Variants in ZNF423 observed in about 807,000 individuals in gnomAD.
The protein encoded by ZNF423 is Ebf-associated zinc finger protein.
Under a neutral mutation model 95.8 loss-of-function variants are expected in ZNF423, and 12 were observed. The ratio of observed to expected loss-of-function variants is 0.13; its 90% CI spans 0.08 to 0.20. The LOEUF (loss-of-function observed/expected upper bound fraction) is 0.20, where lower values mean the gene tolerates loss of function less well. ZNF423 is among the 10% of genes least tolerant of loss of function. ZNF423 has a pLI of 1.00. For synonymous variants in ZNF423, 749 were observed against 711.9 expected, an observed-to-expected ratio of 1.05 and a Z score of -0.83; for missense variants, 1,316 against 1,737.1, an observed-to-expected ratio of 0.76 and a Z score of 4.31.
At chr16:49,850,686 G>A (rs2035293486) in intron 1 of ZNF423, among the ~76,000 whole-genome samples, 1 of 152,162 alleles carries the variant, frequency 6.6e-6, no homozygotes, top group African/African-American at 2.4e-5. Context: ...AAAACGATGG[G>A]GCCATCAGGA....
chr16:49,495,895 C>A (rs1351125844), intron 7 of ZNF423, among the ~76,000 whole-genome samples: 1 of 152,212 alleles, frequency 6.6e-6, no homozygotes, highest in Non-Finnish European at 1.5e-5. Context: ...GGCGTGGGAC[C>A]CTGCCTGGTC....
Position 49,636,947 on chromosome 16 carries a change from G to C in ZNF423, c.2229C>G (p.Ile743Met). The C allele has an allele frequency of 7.4e-6, 12 of 1,613,818 alleles. No individual in the cohort carries two copies. The highest frequency in any genetic ancestry group is 1.0e-5 in the Non-Finnish European group (12 of 1,179,990). ...TGTGCTTCACCGCCAGGTGCACCTGGATGGACACCTTGGAGTCGAAGACCT... is the reference window on the plus strand; with the variant it reads ...TGTGCTTCACCGCCAGGTGCACCTGCATGGACACCTTGGAGTCGAAGACCT... ...CQEVFDSKVS[I>M]QVHLAVKHSN... is the part of the protein sequence containing the mutation. Residue 743 changes from isoleucine (I) to methionine (M), a missense_variant, in exon 4 of 8, where the codon ATC (isoleucine) becomes ATG (methionine). Coordinates refer to ENST00000563137, the MANE Select transcript of ZNF423 (RefSeq NM_001379286.1). This position sits in a 1 kb window ranked among gnomAD's most constrained non-coding sequence, Gnocchi z 8.6.
At chr16:49,519,556 G>A (rs908912529) in intron 7 of ZNF423, among the ~76,000 whole-genome samples, 1 of 152,036 alleles carries the variant, frequency 6.6e-6, no homozygotes, top group African/African-American at 2.4e-5. Context: ...AAAGATTTTT[G>A]CTCATTTTTT....
chr16:49,820,026 GTGGATGGATGGATGGATGGATGGA>G (rs111486773), intron 1 of ZNF423, among the ~76,000 whole-genome samples: 4 of 150,476 alleles, frequency 2.7e-5, no homozygotes, highest in Non-Finnish European at 4.4e-5. Context: ...TGTTGAATAG[GTGGATGGATGGATGGATGGATGGA>G]TGGATGGATG....
At chr16:49,810,696 G>A (rs551336813) in intron 1 of ZNF423, among the ~76,000 whole-genome samples, 1 of 152,206 alleles carries the variant, frequency 6.6e-6, no homozygotes, top group African/African-American at 2.4e-5. Context: ...CAGATTATAG[G>A]AAAAATAAAT....
chr16:49,658,843 T>G (rs1420513076), intron 3 of ZNF423, among the ~76,000 whole-genome samples: 1 of 152,184 alleles, frequency 6.6e-6, no homozygotes, highest in African/African-American at 2.4e-5. Flanking sequence ...GCTGACTCTT[T>G]CCTTGGAACC....
At chr16:49,592,096 G>A (rs1465709627) in intron 5 of ZNF423, among the ~76,000 whole-genome samples, 1 of 152,238 alleles carries the variant, frequency 6.6e-6, no homozygotes, top group East Asian at 1.9e-4. Context: ...GGTTTTTGCA[G>A]TTGCTTTTAA....
intron 5 of ZNF423, among the ~76,000 whole-genome samples, chr16:49,529,912 C>T (rs571064913): frequency 1.3e-5 from 2 of 152,086 alleles, no homozygotes; most frequent in African/African-American, 4.8e-5. Flanking sequence ...GAACCCCCCT[C>T]GGGAAAGCTG....
intron 3 of ZNF423, among the ~76,000 whole-genome samples, chr16:49,648,537 A>T (rs1473459118): frequency 1.3e-5 from 2 of 151,934 alleles, no homozygotes; most frequent in Non-Finnish European, 2.9e-5. Flanking sequence ...AGGTACTCCC[A>T]GCTATTCAGG....
intron 2 of ZNF423, among the ~76,000 whole-genome samples, chr16:49,750,872 C>T (rs1048569193): frequency 1.3e-5 from 2 of 152,156 alleles, no homozygotes; most frequent in Admixed American, 1.3e-4. Flanking sequence ...GGGAACCAGA[C>T]GGTGATGGTG....
chr16:49,815,914 A>ATATATTTT (rs1445194160), intron 1 of ZNF423, among the ~76,000 whole-genome samples: 2 of 29,798 alleles, frequency 6.7e-5, no homozygotes, highest in Non-Finnish European at 1.1e-4. Flanking sequence ...ATATATATAT[A>ATATATTTT]TTTTTTTTTT....
At chr16:49,773,421 T>A (rs2034069775) in intron 2 of ZNF423, among the ~76,000 whole-genome samples, 1 of 152,174 alleles carries the variant, frequency 6.6e-6, no homozygotes, top group South Asian at 2.1e-4. Context: ...CATGATTCAA[T>A]TATCTCCACC....
rs987592052 is a variant in ZNF423 at position 49,854,882 on chromosome 16, G to A, written c.40+853C>T. ...CCCACAAACGCGCGCACCCCGGGGAGCCAGCACAGAAAGCCGGCCTGGGTG... is the reference window on the plus strand; with the variant it reads ...CCCACAAACGCGCGCACCCCGGGGAACCAGCACAGAAAGCCGGCCTGGGTG... On this transcript the variant is annotated intron_variant, in intron 1 of 7. Transcript: ENST00000563137. 20 of 985,230 alleles carry A rather than the reference G, an allele frequency of 2.0e-5. No homozygotes were observed. The African/African-American group carries it at 3.5e-4, about 17-fold the overall frequency. The allele number at this position is 985,230 out of a possible 1,614,324, so 61.0% of individuals were successfully genotyped here. A position where few individuals can be genotyped will look rare whatever the true frequency, so the allele number is the denominator to read the frequency against.
At chr16:49,503,086 C>T (rs375320418) in intron 7 of ZNF423, among the ~76,000 whole-genome samples, 1 of 152,042 alleles carries the variant, frequency 6.6e-6, no homozygotes, top group Non-Finnish European at 1.5e-5. Context: ...CACACACACA[C>T]CCCAGTCCTG....
chr16:49,573,974 A>C (rs1026877776), intron 5 of ZNF423, among the ~76,000 whole-genome samples: 1 of 152,216 alleles, frequency 6.6e-6, no homozygotes, highest in African/African-American at 2.4e-5. Flanking sequence ...CCTCACAGCA[A>C]GCCGTACCAA....
At chr16:49,801,068 G>A (rs1303854895) in intron 1 of ZNF423, among the ~76,000 whole-genome samples, 2 of 152,256 alleles carry the variant, frequency 1.3e-5, no homozygotes, top group Non-Finnish European at 2.9e-5. Flanking sequence ...AGGAACCCAC[G>A]TGAATTAAAA....
chr16:49,755,296 G>A (rs375933768), intron 2 of ZNF423, among the ~76,000 whole-genome samples: 2 of 152,106 alleles, frequency 1.3e-5, no homozygotes, highest in African/African-American at 4.8e-5. Context: ...GTCATTAACC[G>A]AGCCCACCAG....
intron 3 of ZNF423, among the ~76,000 whole-genome samples, chr16:49,662,773 C>T (rs555421864): frequency 6.6e-6 from 1 of 152,320 alleles, no homozygotes; most frequent in African/African-American, 2.4e-5. Flanking sequence ...AAGGCAGAAT[C>T]TAGAGAGAGA....
rs1463884818 is a variant in ZNF423, at chr16:49,677,273, G to GAAGAGAAGAA, written c.302-38400_302-38399insTTCTTCTCTT. Among the ~76,000 whole-genome samples the GAAGAGAAGAA allele has an allele frequency of 1.2e-4, 9 of 73,198 alleles. 1 individual carries two copies. In the East Asian group the frequency reaches 3.7e-3, roughly 30 times the overall value. 48.0% of individuals were successfully genotyped at this position (73,198 alleles called of 152,430 possible). ...TAAGAGAAGAGAAGAGAAGAGAAGA[G>GAAGAGAAGAA]AAGAGAAGAGAAGAGAAGAGAAGAG... On this transcript the variant is annotated intron_variant, in intron 3 of 7. Transcript: ENST00000563137.
Sources: allele counts gnomAD v4.1 joint callset (sites outside exome capture counted in the v4.1 genomes callset), GRCh38; gene constraint gnomAD v4.1.1; non-coding constraint Gnocchi (gnomAD v3.1); transcripts MANE v1.5; gene names NCBI Gene and HGNC (gene_info 2026-07-23, HGNC 2026-07-21).